Variants in ADAM18 observed in about 807,000 individuals in gnomAD.
The protein encoded by ADAM18 is ADAM metallopeptidase domain 18, also known as disintegrin and metalloproteinase domain-containing protein 18.
Under a neutral mutation model 94.4 loss-of-function variants are expected in ADAM18, and 117 were observed. That is an observed-to-expected ratio of 1.24 (90% CI 1.07 to 1.45). ADAM18 has a LOEUF of 1.45. ADAM18 is among the 40% of genes most tolerant of loss of function. The pLI is 0.00. For synonymous variants in ADAM18, 327 were observed against 291.6 expected (o/e 1.12, Z -1.24); for missense variants, 936 against 880.0 (o/e 1.06, Z -0.81).
chr8:39,649,287 A>G (rs1304041193), intron 12 of ADAM18, among the ~76,000 whole-genome samples: 1 of 152,132 alleles, frequency 6.6e-6, no homozygotes. Context: ...ACCTATATGT[A>G]TGAGGCTGTG....
chr8:39,656,231 T>C (rs895322487), intron 12 of ADAM18, among the ~76,000 whole-genome samples: 2 of 151,846 alleles, frequency 1.3e-5, no homozygotes, highest in African/African-American at 4.8e-5. Flanking sequence ...GAAATTTTCA[T>C]AAATCTATTT....
At position 39,730,019 on chromosome 8, in the gene ADAM18, A is replaced by T; in HGVS notation, c.*79A>T. The T allele has an allele frequency of 7.1e-7, 1 of 1,413,688 alleles. No homozygotes were observed. The highest frequency in any genetic ancestry group is 1.0e-6 in the Non-Finnish European group (1 of 1,003,272). 87.6% of individuals were successfully genotyped at this position (1,413,688 alleles called of 1,614,324 possible). A position where few individuals can be genotyped will look rare whatever the true frequency, so the allele number is the denominator to read the frequency against. On this transcript the variant is annotated 3_prime_UTR_variant, in exon 20 of 20. Transcript: ENST00000265707. Reference sequence around the variant, plus strand: ...TATAACCTTACGTTATCCCCAATGCATTGTAAATGTCAAACTTTTGGAAAA... The same window carrying T: ...TATAACCTTACGTTATCCCCAATGCTTTGTAAATGTCAAACTTTTGGAAAA...
chr8:39,599,889 T>TA (rs1818853865), intron 2 of ADAM18, among the ~76,000 whole-genome samples: 1 of 151,834 alleles, frequency 6.6e-6, no homozygotes, highest in South Asian at 2.1e-4. Flanking sequence ...TTTTTTTTTT[T>TA]AAATTCTGCC....
At chr8:39,665,389 A>C (rs1820969397) in intron 13 of ADAM18, among the ~76,000 whole-genome samples, 1 of 152,178 alleles carries the variant, frequency 6.6e-6, no homozygotes, top group African/African-American at 2.4e-5. Flanking sequence ...GGTGATGAAA[A>C]TATGGCTACT....
At chr8:39,729,824 T>C in intron 19 of ADAM18, 74 bp from the exon 20 acceptor site, 1 of 1,209,996 alleles carries the variant, frequency 8.3e-7, no homozygotes, top group South Asian at 1.3e-5. Context: ...GTAGTAAATA[T>C]GGTTTAAAAT....
intron 2 of ADAM18, among the ~76,000 whole-genome samples, chr8:39,587,793 T>C (rs750754113): frequency 2.6e-5 from 4 of 152,174 alleles, no homozygotes; most frequent in Non-Finnish European, 4.4e-5. Flanking sequence ...AATCATATAG[T>C]GTTTGTCCTT....
At chr8:39,728,677 TA>T (rs778585055) in intron 19 of ADAM18, among the ~76,000 whole-genome samples, 40 of 152,332 alleles carry the variant, frequency 2.6e-4, no homozygotes, top group East Asian at 7.7e-4. Flanking sequence ...ATTTGGAAGT[TA>T]TTTTTTTATG....
rs147882945 is a variant in ADAM18, at chr8:39,727,927, A to T, written c.2178-1971A>T. ...TCAATTTATAAAGAAAAGGGACTTAATCGGCTCACAGTTCTGCAGGCTTTA... is the reference window on the plus strand; with the variant it reads ...TCAATTTATAAAGAAAAGGGACTTATTCGGCTCACAGTTCTGCAGGCTTTA... On this transcript the variant is annotated intron_variant, in intron 19 of 19. Coordinates refer to ENST00000265707, the MANE Select transcript of ADAM18 (RefSeq NM_014237.3). 1.2e-4 allele frequency among the ~76,000 whole-genome samples: 18 copies of T among 152,338 alleles called. No homozygotes were observed. The East Asian group carries it at 2.9e-3, about 24-fold the overall frequency.
At chr8:39,717,896 C>G (rs1163075829) in intron 18 of ADAM18, among the ~76,000 whole-genome samples, 2 of 151,288 alleles carry the variant, frequency 1.3e-5, no homozygotes. Flanking sequence ...AACAAAATAC[C>G]TTATAACTTG....
rs1822827483 is a variant in ADAM18 at position 39,723,836 on chromosome 8, T to A, written c.2106T>A (p.Val702=). The A allele has an allele frequency of 6.3e-7, 1 of 1,585,310 alleles. No individual in the cohort carries two copies. The change falls in exon 19 of 20, where the codon GTT becomes GTA. Residue 702 remains valine, a synonymous_variant. Transcript: ENST00000265707. ...GCATTTTTCTGCCGTTTTTCATAGT[T>A]TTCACCACTGTGATCTTTAAAAGAA... ...SFCIFLPFFI[V]FTTVIFKRNE... is the part of the protein sequence containing the mutation.
At chr8:39,665,960 A>C (rs563659979) in intron 13 of ADAM18, among the ~76,000 whole-genome samples, 1 of 152,162 alleles carries the variant, frequency 6.6e-6, no homozygotes, top group Non-Finnish European at 1.5e-5. Flanking sequence ...TCTGTTTACT[A>C]TCATATTTCT....
At chr8:39,609,394 C>A (rs1468143394) in intron 4 of ADAM18, 91 bp from the exon 5 acceptor site, 3 of 818,282 alleles carry the variant, frequency 3.7e-6, no homozygotes, top group Non-Finnish European at 3.9e-6. Flanking sequence ...ATTATTAAAT[C>A]TTTTAATATT....
At chr8:39,649,875 C>T (rs1411767645) in intron 12 of ADAM18, among the ~76,000 whole-genome samples, 1 of 152,050 alleles carries the variant, frequency 6.6e-6, no homozygotes, top group African/African-American at 2.4e-5. Flanking sequence ...TTAACTGTGG[C>T]CAGTTGGTTA....
intron 13 of ADAM18, 71 bp downstream of exon 13, chr8:39,663,961 T>A: frequency 1.0e-6 from 1 of 978,520 alleles, no homozygotes; most frequent in Non-Finnish European, 1.6e-6. Flanking sequence ...TGAATCAATG[T>A]GCAATTAATA....
intron 14 of ADAM18, among the ~76,000 whole-genome samples, chr8:39,676,677 A>G (rs1563302477): frequency 6.6e-6 from 1 of 152,312 alleles, no homozygotes; most frequent in East Asian, 1.9e-4. Context: ...TCCCAGTGAG[A>G]TGAACCAGGT....
intron 1 of ADAM18, 82 bp downstream of exon 1, chr8:39,584,759 T>A (rs1818347238): frequency 9.9e-6 from 15 of 1,510,734 alleles, no homozygotes; most frequent in Non-Finnish European, 1.4e-5. Context: ...CTTGTCATTC[T>A]GGGACCCTCC....
At chr8:39,627,279 C>T (rs890313459) in intron 6 of ADAM18, among the ~76,000 whole-genome samples, 2 of 152,062 alleles carry the variant, frequency 1.3e-5, no homozygotes, top group Non-Finnish European at 1.5e-5. Flanking sequence ...AGCAAAGGGA[C>T]ATCTTACATG....
intron 6 of ADAM18, among the ~76,000 whole-genome samples, chr8:39,618,451 G>A (rs1022566556): frequency 1.9e-4 from 29 of 152,184 alleles, no homozygotes; most frequent in Non-Finnish European, 2.9e-5. Flanking sequence ...ACAGAGATAA[G>A]AATTTACAAT....
intron 19 of ADAM18, 57 bp from the exon 20 acceptor site, chr8:39,729,841 T>A: frequency 1.4e-6 from 2 of 1,425,936 alleles, no homozygotes; most frequent in Non-Finnish European, 2.0e-6. Context: ...AAATAGGCAA[T>A]TGGCTACTAC....
Sources: gnomAD v4.1 joint callset for allele counts (sites outside exome capture counted in the v4.1 genomes callset) on GRCh38, gnomAD v4.1.1 for gene constraint, MANE v1.5 for transcripts, NCBI Gene and HGNC (gene_info 2026-07-23, HGNC 2026-07-21) for gene names.